WWOX: variants seen among roughly 807,000 people sequenced by gnomAD.
The protein encoded by WWOX is WW domain containing oxidoreductase, also known as WW domain-containing oxidoreductase.
In WWOX, 69 loss-of-function variants were observed where a neutral mutation model predicts 46.2. That is an observed-to-expected ratio of 1.49 (90% CI 1.23 to 1.82). The LOEUF (loss-of-function observed/expected upper bound fraction) is 1.82. WWOX is among the 40% of genes most tolerant of loss of function. The pLI, the probability that WWOX is intolerant of heterozygous loss-of-function variation, is 0.00. For missense variants in WWOX, 919 were observed against 542.6 expected, an observed-to-expected ratio of 1.69 and a Z score of -6.89; for synonymous variants, 359 against 202.6, an observed-to-expected ratio of 1.77 and a Z score of -6.56.
intron 5 of WWOX, chr16:78,278,538 G>C (rs1215397538): frequency 6.7e-7 from 1 of 1,486,640 alleles, no homozygotes; most frequent in Non-Finnish European, 9.2e-7. Context: ...AATGCTTCAA[G>C]AAACAGTTCT....
intron 8 of WWOX, among the ~76,000 whole-genome samples, chr16:78,615,016 C>G (rs770314143): frequency 6.6e-6 from 1 of 152,164 alleles, no homozygotes; most frequent in African/African-American, 2.4e-5. Context: ...CCTCCCTAAT[C>G]TTGCTAGAAG....
At chr16:79,020,192 C>T (rs1475372630) in intron 8 of WWOX, among the ~76,000 whole-genome samples, 2 of 152,188 alleles carry the variant, frequency 1.3e-5, no homozygotes, top group African/African-American at 4.8e-5. Flanking sequence ...AGAGGCAGAA[C>T]AATTATAATA....
At chr16:78,360,165 T>C (rs1567523668) in intron 5 of WWOX, among the ~76,000 whole-genome samples, 1 of 152,184 alleles carries the variant, frequency 6.6e-6, no homozygotes, top group Admixed American at 6.5e-5. Context: ...ACAATCAATA[T>C]TACTTTCTAA....
intron 5 of WWOX, among the ~76,000 whole-genome samples, chr16:78,274,821 C>G (rs147351903): frequency 1.3e-5 from 2 of 152,154 alleles, no homozygotes; most frequent in Admixed American, 1.3e-4. Context: ...TTTAAAAATT[C>G]TTTCTCCCTT....
At chr16:78,101,293 C>T (rs760957929) in intron 1 of WWOX, among the ~76,000 whole-genome samples, 3 of 144,840 alleles carry the variant, frequency 2.1e-5, no homozygotes, top group African/African-American at 5.0e-5. Flanking sequence ...GTGATCCTCC[C>T]GCCTCGGCCT....
chr16:78,185,889 C>A (rs1597325145), intron 5 of WWOX, among the ~76,000 whole-genome samples: 1 of 152,120 alleles, frequency 6.6e-6, no homozygotes, highest in African/African-American at 2.4e-5. Flanking sequence ...TGGTCTTGAA[C>A]TCTTGACCTC....
At chr16:78,636,391 G>T (rs893040701) in intron 8 of WWOX, among the ~76,000 whole-genome samples, 12 of 152,158 alleles carry the variant, frequency 7.9e-5, no homozygotes, top group Admixed American at 5.2e-4. Context: ...CAGACTTTCA[G>T]TGTTAAAGGA....
rs1483452450 is a variant in WWOX, at chr16:78,864,848, C to G, written c.1057-346760C>G. 3.4e-5 allele frequency among the ~76,000 whole-genome samples: 5 copies of G among 147,898 alleles called. No individual in the cohort carries two copies. In the East Asian group the frequency reaches 1.0e-3, roughly 30 times the overall value. On this transcript the variant is annotated intron_variant, in intron 8 of 8. Transcript: ENST00000566780. ...TGTGAACTCGGCTCACTGCAACATC[C>G]ACCTCCCGGGTTCAAGCGATTCTCC... is the stretch of plus-strand genomic sequence containing the variant.
chr16:78,337,141 C>A lies in WWOX; in HGVS notation c.517-49719C>A, dbSNP rs1034454153. Among the ~76,000 whole-genome samples the A allele has an allele frequency of 3.9e-5, 6 of 152,062 alleles. 1 individual carries two copies. ...ATAAATTTTTAAACACTCTGCAGTT[C>A]AAAGAAAACATGTTTGTGGTAGGTA... On this transcript the variant is annotated intron_variant, in intron 5 of 8. Coordinates refer to ENST00000566780, the MANE Select transcript of WWOX (RefSeq NM_016373.4).
chr16:78,167,997 T>A (rs2035029564), intron 5 of WWOX: 1 of 152,182 alleles, frequency 6.6e-6, no homozygotes, highest in Admixed American at 6.5e-5. Context: ...CGTATTCATA[T>A]GTTACCTACG....
chr16:78,849,395 C>G (rs950382635), intron 8 of WWOX, among the ~76,000 whole-genome samples: 1 of 151,482 alleles, frequency 6.6e-6, no homozygotes, highest in African/African-American at 2.4e-5. Flanking sequence ...CACGGTGAAA[C>G]CCCATCTCTA....
chr16:78,314,037 T>C (rs910472851), intron 5 of WWOX, among the ~76,000 whole-genome samples: 1 of 152,124 alleles, frequency 6.6e-6, no homozygotes, highest in Non-Finnish European at 1.5e-5. Flanking sequence ...CTCACACATC[T>C]ATAAAATGGA....
chr16:79,042,994 G>A (rs2048001295), intron 8 of WWOX, among the ~76,000 whole-genome samples: 1 of 152,172 alleles, frequency 6.6e-6, no homozygotes, highest in African/African-American at 2.4e-5. Flanking sequence ...TTCACTCTTG[G>A]TCTTGTCTTT....
intron 5 of WWOX, among the ~76,000 whole-genome samples, chr16:78,334,041 C>T (rs527237570): frequency 2.0e-5 from 3 of 152,280 alleles, no homozygotes; most frequent in South Asian, 2.1e-4. Flanking sequence ...CCCTCGTCCT[C>T]CAGACAGTAA....
intron 8 of WWOX, among the ~76,000 whole-genome samples, chr16:78,637,145 T>G (rs537129292): frequency 2.6e-5 from 4 of 152,132 alleles, no homozygotes; most frequent in Non-Finnish European, 4.4e-5. Context: ...TAACTCTGTG[T>G]TGAGAAATAT....
chr16:78,683,596 C>G (rs1229929590), intron 8 of WWOX, among the ~76,000 whole-genome samples: 2 of 151,712 alleles, frequency 1.3e-5, no homozygotes, highest in Non-Finnish European at 2.9e-5. Flanking sequence ...GAGACAAAGT[C>G]TCGCTTTGTT....
At chr16:78,461,768 C>T (rs755954030) in intron 8 of WWOX, among the ~76,000 whole-genome samples, 11 of 152,166 alleles carry the variant, frequency 7.2e-5, no homozygotes, top group East Asian at 1.9e-4. Flanking sequence ...TCCCTTTTCC[C>T]GTCATGCTTT....
intron 5 of WWOX, among the ~76,000 whole-genome samples, chr16:78,270,025 A>G (rs913788801): frequency 7.9e-5 from 12 of 151,392 alleles, no homozygotes; most frequent in Admixed American, 7.3e-4. Context: ...TTCAGCAGAA[A>G]TGATGTGTAT....
At chr16:78,883,983 G>C (rs1419499583) in intron 8 of WWOX, among the ~76,000 whole-genome samples, 2 of 152,052 alleles carry the variant, frequency 1.3e-5, no homozygotes, top group Non-Finnish European at 2.9e-5. Context: ...TGATCCCCTA[G>C]AAATTTCACT....
Sources: allele counts gnomAD v4.1 joint callset (sites outside exome capture counted in the v4.1 genomes callset), GRCh38; gene constraint gnomAD v4.1.1; transcripts MANE v1.5; gene names NCBI Gene and HGNC (gene_info 2026-07-23, HGNC 2026-07-21).